Variants in GPC3 observed in about 807,000 individuals in gnomAD.
The protein encoded by GPC3 is glypican 3, also known as glypican-3.
A neutral mutation model predicts 34.4 loss-of-function variants in GPC3; 3 were observed. The observed-to-expected ratio is 0.09, with a 90% CI of 0.04 to 0.23. The LOEUF is 0.23. GPC3 is among the 10% of genes least tolerant of loss of function. The pLI is 1.00. For synonymous variants in GPC3, 177 were observed against 174.0 expected (o/e 1.02, Z -0.13); for missense variants, 351 against 445.6 (o/e 0.79, Z 1.91).
At chrX:133,616,857 C>A (rs2070170983) in intron 6 of GPC3, among the ~76,000 whole-genome samples, 1 of 108,847 alleles carries the variant, frequency 9.2e-6, no homozygotes, top group African/African-American at 3.4e-5. Context: ...GCCACCTCGC[C>A]CAGCTAATTT....
intron 5 of GPC3, among the ~76,000 whole-genome samples, chrX:133,672,510 A>G (rs747057622): frequency 4.1e-4 from 46 of 112,057 alleles, no homozygotes; most frequent in Non-Finnish European, 1.9e-5. Context: ...GAATAACAGA[A>G]CAAGGAGTGT....
chrX:133,834,207 T>C (rs1373298754), intron 2 of GPC3, among the ~76,000 whole-genome samples: 2 of 112,018 alleles, frequency 1.8e-5, no homozygotes, highest in African/African-American at 6.5e-5. Flanking sequence ...CAAATTGTAT[T>C]TGTGGCAGCT....
At chrX:133,978,312 C>A (rs1248452543) in intron 1 of GPC3, among the ~76,000 whole-genome samples, 1 of 112,169 alleles carries the variant, frequency 8.9e-6, no homozygotes, top group African/African-American at 3.2e-5. Flanking sequence ...GAAAAACTTA[C>A]ATACATTCAG....
At chrX:133,875,576 T>C (rs757052553) in intron 2 of GPC3, among the ~76,000 whole-genome samples, 13 of 111,510 alleles carry the variant, frequency 1.2e-4, no homozygotes, top group Non-Finnish European at 2.3e-4. Flanking sequence ...TAGACTATTA[T>C]ATCTACTTAC....
intron 2 of GPC3, among the ~76,000 whole-genome samples, chrX:133,845,757 T>C (rs2075844779): frequency 8.9e-6 from 1 of 112,501 alleles, no homozygotes; most frequent in African/African-American, 3.2e-5. Context: ...CTTAATCCGC[T>C]GATTACAAAC....
rs184171976 is a variant in GPC3, at chrX:133,583,553, C to T, written c.1573+12887G>A. On this transcript the variant is annotated intron_variant, in intron 7 of 7. Coordinates refer to ENST00000370818, the MANE Select transcript of GPC3 (RefSeq NM_004484.4). ...CTAATTTTTGTATTTTTAGTAGAGA[C>T]GGGATGTTGCCATGTTAGCCAGGCT... Among the ~76,000 whole-genome samples, 256 of 110,661 alleles carry T rather than the reference C, an allele frequency of 2.3e-3. 3 individuals carry two copies. Among genetic ancestry groups the T allele is most frequent in the African/African-American group, 8.1e-3 (246 of 30,392 alleles).
At chrX:133,762,052 T>G (rs1363484056) in intron 2 of GPC3, among the ~76,000 whole-genome samples, 1 of 111,895 alleles carries the variant, frequency 8.9e-6, no homozygotes, top group Non-Finnish European at 1.9e-5. Flanking sequence ...CACTTTAAAT[T>G]CCTCTGGGGA....
intron 2 of GPC3, among the ~76,000 whole-genome samples, chrX:133,850,201 T>G (rs1386775986): frequency 9.8e-5 from 10 of 101,970 alleles, no homozygotes; most frequent in Non-Finnish European, 1.8e-4. Context: ...TTTGTTTTTT[T>G]TTTTTTTTTT....
At chrX:133,679,263 C>CATTTATTA (rs2070915765) in intron 5 of GPC3, among the ~76,000 whole-genome samples, 1 of 111,386 alleles carries the variant, frequency 9.0e-6, no homozygotes, top group Non-Finnish European at 1.9e-5. Flanking sequence ...GTTGATTACC[C>CATTTATTA]AATGTTCCAT....
intron 2 of GPC3, among the ~76,000 whole-genome samples, chrX:133,795,459 G>C (rs768063190): frequency 4.5e-5 from 5 of 111,331 alleles, no homozygotes; most frequent in African/African-American, 1.3e-4. Context: ...GCAGTGCCTG[G>C]TCAAGGTGGG....
chrX:133,849,248 A>C (rs12010111), intron 2 of GPC3, among the ~76,000 whole-genome samples: 4,992 of 108,898 alleles, frequency 0.046, 303 homozygotes, highest in African/African-American at 0.16. Flanking sequence ...GCGCCCGCCA[A>C]CACGCCCGGC....
chrX:133,770,194 T>C (rs2071900826), intron 2 of GPC3, among the ~76,000 whole-genome samples: 1 of 111,354 alleles, frequency 9.0e-6, no homozygotes, highest in African/African-American at 3.3e-5. Context: ...GGGGGACTGC[T>C]TGAGCCCAGG....
intron 3 of GPC3, among the ~76,000 whole-genome samples, chrX:133,717,586 T>C (rs1022741044): frequency 8.1e-5 from 9 of 111,026 alleles, no homozygotes; most frequent in Admixed American, 5.8e-4. Flanking sequence ...CCCTGCTTGC[T>C]CAATCAATCA....
chrX:133,591,644 T>C (rs934048783), intron 7 of GPC3, among the ~76,000 whole-genome samples: 1 of 112,152 alleles, frequency 8.9e-6, no homozygotes, highest in African/African-American at 3.2e-5. Context: ...AGAATTCTTT[T>C]ACACGATAAA....
intron 7 of GPC3, among the ~76,000 whole-genome samples, chrX:133,574,225 G>A (rs917573297): frequency 2.7e-5 from 3 of 111,148 alleles, no homozygotes; most frequent in South Asian, 7.7e-4. Context: ...TGGTGAACAT[G>A]TTCTAAAATT....
At chrX:133,825,001 G>A (rs1218925247) in intron 2 of GPC3, among the ~76,000 whole-genome samples, 1 of 111,615 alleles carries the variant, frequency 9.0e-6, no homozygotes, top group Admixed American at 9.5e-5. Flanking sequence ...GACTTCAGGC[G>A]TGTGCCACCA....
At chrX:133,866,577 T>A (rs2075968248) in intron 2 of GPC3, among the ~76,000 whole-genome samples, 1 of 112,302 alleles carries the variant, frequency 8.9e-6, no homozygotes, top group Admixed American at 9.4e-5. Context: ...TAGATTATCT[T>A]AACCTACAGT....
At chrX:133,951,518 G>A (rs2076393145) in intron 2 of GPC3, among the ~76,000 whole-genome samples, 1 of 111,447 alleles carries the variant, frequency 9.0e-6, no homozygotes, top group Non-Finnish European at 1.9e-5. Flanking sequence ...GCCCCAAAGA[G>A]TAAGATTCAG....
chrX:133,695,063 G>A (rs1266850699), intron 4 of GPC3, among the ~76,000 whole-genome samples: 3 of 111,826 alleles, frequency 2.7e-5, no homozygotes, highest in Non-Finnish European at 5.6e-5. Context: ...AGCTCTGCAT[G>A]GCTGGGGAGG....
Sources: allele counts gnomAD v4.1 joint callset (sites outside exome capture counted in the v4.1 genomes callset), GRCh38; gene constraint gnomAD v4.1.1; transcripts MANE v1.5; gene names NCBI Gene and HGNC (gene_info 2026-07-23, HGNC 2026-07-21).